Variants in C16orf46 observed in about 807,000 individuals in gnomAD.
C16orf46 encodes uncharacterized protein C16orf46.
A neutral mutation model predicts 5.5 loss-of-function variants in C16orf46; 7 were observed. The observed-to-expected ratio is 1.28, with a 90% CI of 0.73 to 2.40. The LOEUF (loss-of-function observed/expected upper bound fraction) is 2.40. C16orf46 is among the 30% of genes most tolerant of loss of function. The pLI is 0.00. For synonymous variants in C16orf46, 200 were observed against 184.1 expected (o/e 1.09, Z -0.70); for missense variants, 614 against 476.0 (o/e 1.29, Z -2.70).
downstream of C16orf46, among the ~76,000 whole-genome samples, chr16:81,056,913 G>T (rs57906343): frequency 6.6e-6 from 1 of 152,022 alleles, no homozygotes. Flanking sequence ...CAGAGAAGCT[G>T]CAGCAAAGGC....
Position 81,061,827 on chromosome 16 carries a change from G to A in C16orf46, c.522C>T (p.Asp174=), listed in dbSNP as rs1168622772. Residue 174 remains aspartate (D), a synonymous_variant, in exon 4 of 4, where the codon GAC becomes GAT. Transcript: ENST00000299578. ...CCCTATTAGTGCCGGGGATGGCCCA[G>A]TCTTTGTTGCACCAAATAAACTCCT... ...QIKEFIWCNK[D]WAIPGTNRGK... The A allele has an allele frequency of 1.2e-6, 2 of 1,614,004 alleles. No individual in the cohort carries two copies. Among genetic ancestry groups the A allele is most frequent in the Non-Finnish European group, 1.7e-6 (2 of 1,180,016 alleles).
In C16orf46 at chr16:81,061,814, C is replaced by G. The variant is rs761730810; in HGVS notation, c.535G>C (p.Gly179Arg). Residue 179 changes from glycine (G) to arginine (R), a missense_variant, in exon 4 of 4, where the codon GGC becomes CGC. Coordinates refer to ENST00000299578, the MANE Select transcript of C16orf46 (RefSeq NM_152337.3). ...CCAGAGGCCTTGCCCCTATTAGTGCCGGGGATGGCCCAGTCTTTGTTGCAC... is the reference window on the plus strand; with the variant it reads ...CCAGAGGCCTTGCCCCTATTAGTGCGGGGGATGGCCCAGTCTTTGTTGCAC... ...IWCNKDWAIPGTNRGKASGNP... is the reference protein window; with the variant it reads ...IWCNKDWAIPRTNRGKASGNP... 2 of 1,614,058 alleles carry G rather than the reference C, an allele frequency of 1.2e-6. No homozygotes were observed. Among genetic ancestry groups the G allele is most frequent in the Non-Finnish European group, 1.7e-6 (2 of 1,180,048 alleles).
At chr16:81,075,909 G>A (rs143304191) in intron 1 of C16orf46, among the ~76,000 whole-genome samples, 61 of 152,224 alleles carry the variant, frequency 4.0e-4, no homozygotes, top group African/African-American at 1.3e-3. Flanking sequence ...GCAGATAGAT[G>A]GTAATCTCTC....
chr16:81,056,373 C>T (rs1300144863), downstream of C16orf46: 1 of 152,144 alleles, frequency 6.6e-6, no homozygotes, highest in African/African-American at 2.4e-5. Flanking sequence ...AATGGGCCCT[C>T]CTGTTACTCT....
downstream of C16orf46, chr16:81,058,198 A>G (rs569406813): frequency 6.6e-6 from 1 of 152,506 alleles, no homozygotes; most frequent in East Asian, 1.9e-4. Context: ...AAAGGCAGAA[A>G]TGCTCAGTGG....
At position 81,066,637 on chromosome 16, in the gene C16orf46, T is replaced by C. The variant is rs138690331; in HGVS notation, c.-127-356A>G. Among the ~76,000 whole-genome samples the C allele has an allele frequency of 2.7e-3, 418 of 152,362 alleles. 3 individuals are homozygous for C. The highest frequency in any genetic ancestry group is 9.6e-3 in the African/African-American group (401 of 41,576). On this transcript the variant is annotated intron_variant, in intron 1 of 3. Coordinates refer to ENST00000299578, the MANE Select transcript of C16orf46 (RefSeq NM_152337.3). ...GATATGTGATTCCTTGCAATCTGTA[T>C]GCAGTTTTACTTTTATGTTGGAATG...
At position 81,054,013 on chromosome 16, in the gene C16orf46, T is replaced by A. The variant is rs1028583814; in HGVS notation, c.*58A>T. The A allele has an allele frequency of 3.9e-6, 6 of 1,548,562 alleles. No individual in the cohort carries two copies. The Admixed American group carries it at 8.4e-5, about 22-fold the overall frequency. ...ATGTCCTGGGTGAAATATTTGCTTT[T>A]ATGATTACATCTCAACCGTGTTGCT... On this transcript the variant is annotated 3_prime_UTR_variant, in exon 4 of 4. Transcript: ENST00000378611.
rs370042562 is a variant in C16orf46, at chr16:81,068,876, TG to T, written c.-127-2596del. 6.7e-3 allele frequency among the ~76,000 whole-genome samples: 1,015 copies of T among 152,084 alleles called. 20 individuals are homozygous for T. The highest frequency in any genetic ancestry group is 0.023 in the African/African-American group (958 of 41,440). On this transcript the variant is annotated intron_variant, in intron 1 of 3. Transcript: ENST00000299578. ...GCCACCACGCCCGGCTAATTTTTTT[TG>T]TATTTTTAGTAGAGACAGGGTTTCA...
intron 1 of C16orf46, among the ~76,000 whole-genome samples, chr16:81,068,292 C>T (rs759843953): frequency 6.6e-6 from 1 of 152,108 alleles, no homozygotes; most frequent in Non-Finnish European, 1.5e-5. Context: ...GCATACCAGT[C>T]GAATACAGCA....
Position 81,063,839 on chromosome 16 carries a change from A to AT in C16orf46, c.116dup (p.Asn39LysfsTer11), listed in dbSNP as rs753533248. On this transcript the variant is annotated frameshift_variant, in exon 3 of 4. Transcript: ENST00000299578. LOFTEE classifies it high-confidence loss of function. ...TGACATCGAGAAGACAATAAACATGATTTTTTTCACTTTTTCCATCTGGAC... is the reference window on the plus strand; with the variant it reads ...TGACATCGAGAAGACAATAAACATGATTTTTTTTCACTTTTTCCATCTGGAC... 5.6e-6 allele frequency: 9 copies of AT among 1,613,722 alleles called. No homozygotes were observed. In the South Asian group the frequency reaches 8.8e-5, roughly 16 times the overall value.
At chr16:81,058,638 C>T (rs773456035), downstream of C16orf46, among the ~76,000 whole-genome samples, 2 of 152,206 alleles carry the variant, frequency 1.3e-5, no homozygotes, top group African/African-American at 2.4e-5. Flanking sequence ...GACTTCCATA[C>T]AATTTTAAAC....
At position 81,062,097 on chromosome 16, in the gene C16orf46, C is replaced by T; in HGVS notation, c.252G>A (p.Trp84Ter). ...WGRTSPAACI[W>*]PRKIPKKARV... is the part of the protein sequence containing the mutation. ...TCGCCTTTTTTGGTATCTTCCTCGGCCAGATGCAGGCAGCTGGAGAAGTCC... is the reference window on the plus strand; with the variant it reads ...TCGCCTTTTTTGGTATCTTCCTCGGTCAGATGCAGGCAGCTGGAGAAGTCC... The change falls in exon 4 of 4, where the codon TGG becomes TGA. Residue 84 changes from tryptophan (W) to a stop codon, truncating the protein, a stop_gained. Transcript: ENST00000299578. LOFTEE classifies it low-confidence loss of function (END_TRUNC). The T allele has an allele frequency of 6.2e-7, 1 of 1,605,112 alleles. No individual in the cohort carries two copies. Among genetic ancestry groups the T allele is most frequent in the African/African-American group, 1.3e-5 (1 of 75,000 alleles).
intron 1 of C16orf46, among the ~76,000 whole-genome samples, chr16:81,076,211 A>G (rs1428771082): frequency 6.6e-6 from 1 of 152,226 alleles, no homozygotes; most frequent in Admixed American, 6.5e-5. Flanking sequence ...GGTCCTGAAG[A>G]CTGACCTGGG....
At position 81,077,160 on chromosome 16, in the gene C16orf46, C is replaced by A. The variant is rs1477127161; in HGVS notation, c.-152G>T. ...CCTGTGGGGCCAAGCGGATGGAAGG[C>A]CCCGAGACAGCTAGTCCCGGCCTAC... On this transcript the variant is annotated 5_prime_UTR_variant, in exon 1 of 4. Transcript: ENST00000299578. The A allele has an allele frequency of 6.6e-6, 1 of 152,430 alleles. No individual in the cohort carries two copies. The highest frequency in any genetic ancestry group is 1.9e-4 in the East Asian group (1 of 5,190). The allele number at this position is 152,430 out of a possible 1,614,324, so 9.4% of individuals were successfully genotyped here.
At position 81,063,751 on chromosome 16, in the gene C16orf46, C is replaced by G. The variant is rs537230291; in HGVS notation, c.205G>C (p.Glu69Gln). The G allele has an allele frequency of 6.2e-6, 10 of 1,612,188 alleles. No homozygotes were observed. In the Middle Eastern group the frequency reaches 8.3e-4, roughly 133 times the overall value. ...KEFIIGTGWE[E>Q]AVQGWGRTSP... ...TGACTCAGAAAGATACTCACTGCCTCTTCCCATCCAGTTCCAATAATAAAC... is the reference window on the plus strand; with the variant it reads ...TGACTCAGAAAGATACTCACTGCCTGTTCCCATCCAGTTCCAATAATAAAC... The change falls in exon 3 of 4, where the codon GAG becomes CAG. Residue 69 changes from glutamate (E) to glutamine (Q), a missense_variant. Glu to Gln is a conservative substitution (Grantham distance 29, BLOSUM62 2). Coordinates refer to ENST00000299578, the MANE Select transcript of C16orf46 (RefSeq NM_152337.3).
At chr16:81,074,863 A>T (rs1214895406) in intron 1 of C16orf46, among the ~76,000 whole-genome samples, 1 of 151,982 alleles carries the variant, frequency 6.6e-6, no homozygotes, top group African/African-American at 2.4e-5. Flanking sequence ...AATGCATCAG[A>T]TCCTTGTAAA....
intron 1 of C16orf46, among the ~76,000 whole-genome samples, chr16:81,072,932 A>T (rs1308418756): frequency 1.3e-5 from 2 of 152,096 alleles, no homozygotes; most frequent in Non-Finnish European, 2.9e-5. Flanking sequence ...CCAACTCCTG[A>T]TGTCAAGTGA....
At chr16:81,067,505 A>ATAAAAAAAC (rs1204098384) in intron 1 of C16orf46, among the ~76,000 whole-genome samples, 6 of 152,180 alleles carry the variant, frequency 3.9e-5, no homozygotes, top group African/African-American at 1.4e-4. Context: ...GGTACAATGA[A>ATAAAAAAAC]TTTTGACCTT....
downstream of C16orf46, among the ~76,000 whole-genome samples, chr16:81,056,976 T>C (rs1971315448): frequency 6.6e-6 from 1 of 152,128 alleles, no homozygotes; most frequent in South Asian, 2.1e-4. Context: ...GCTAGGGTGA[T>C]TTTGCCCTAA....
Sources: allele counts gnomAD v4.1 joint callset (sites outside exome capture counted in the v4.1 genomes callset), GRCh38; gene constraint gnomAD v4.1.1; transcripts MANE v1.5; gene names NCBI Gene and HGNC (gene_info 2026-07-23, HGNC 2026-07-21).